The following TGFB1 variants were observed in gnomAD, a reference collection of about 807,000 sequenced individuals.
TGFB1 encodes the protein transforming growth factor beta 1.
In TGFB1, 19 loss-of-function variants were observed where a neutral mutation model predicts 43.8. That is an observed-to-expected ratio of 0.43 (90% CI 0.30 to 0.64). TGFB1 has a LOEUF of 0.64. Among genes scored for constraint, TGFB1 ranks in the 30% least tolerant of loss-of-function variants. TGFB1 has a pLI of 0.11. For missense variants in TGFB1, 445 were observed against 529.8 expected (o/e 0.84, Z 1.57); for synonymous variants, 221 against 236.3 (o/e 0.94, Z 0.60).
intron 6 of TGFB1, 101 bp from the exon 7 acceptor site, chr19:41,331,311 C>A (rs1037756021): frequency 1.3e-5 from 18 of 1,361,696 alleles, no homozygotes; most frequent in Admixed American, 2.9e-5. Flanking sequence ...GCCTCTCTCA[C>A]TTCGTCTCTC....
chr19:41,334,161 G>A (rs2037964219), intron 5 of TGFB1, among the ~76,000 whole-genome samples: 1 of 151,664 alleles, frequency 6.6e-6, no homozygotes, highest in Admixed American at 6.6e-5. Context: ...GATCACCTGA[G>A]ATCAGGAGAT....
intron 5 of TGFB1, among the ~76,000 whole-genome samples, chr19:41,340,086 C>T (rs2038037764): frequency 5.3e-5 from 8 of 152,076 alleles, no homozygotes; most frequent in Admixed American, 5.2e-4. Flanking sequence ...AGCATTCCAG[C>T]ATCTTATGAT....
chr19:41,342,929 G>A (rs200044106), intron 3 of TGFB1, among the ~76,000 whole-genome samples: 1 of 151,954 alleles, frequency 6.6e-6, no homozygotes, highest in East Asian at 1.9e-4. Context: ...TTACAGGCAT[G>A]AGCCACTGCA....
chr19:41,331,073 C>T lies in TGFB1; in HGVS notation c.1152G>A (p.Val384=), dbSNP rs780503471. ...GACCTCAGCTGCACTTGCAGGAGCG[C>T]ACGATCATGTTGGACAGCTGCTCCA... ...PKVEQLSNMI[V]RSCKCS The change falls in exon 7 of 7, where the codon GTG becomes GTA. Residue 384 remains valine (V), a synonymous_variant. Transcript: ENST00000221930. 4 of 1,578,664 alleles carry T rather than the reference C, an allele frequency of 2.5e-6. No individual in the cohort carries two copies. The African/African-American group carries it at 5.4e-5, about 21-fold the overall frequency.
intron 1 of TGFB1, 136 bp downstream of exon 1, chr19:41,352,554 T>G: frequency 1.9e-6 from 2 of 1,063,968 alleles, no homozygotes; most frequent in Non-Finnish European, 2.8e-6. Flanking sequence ...CCTCCCACCA[T>G]CACACGTTCC....
At chr19:41,345,009 T>G (rs148096740) in intron 2 of TGFB1, 145 bp from the exon 3 acceptor site, 14 of 743,386 alleles carry the variant, frequency 1.9e-5, no homozygotes, top group Non-Finnish European at 3.1e-5. Context: ...CAGCCACCTG[T>G]GTGGTCCTGT....
At chr19:41,340,316 G>C (rs2038041425) in intron 5 of TGFB1, among the ~76,000 whole-genome samples, 1 of 148,150 alleles carries the variant, frequency 6.7e-6, no homozygotes, top group African/African-American at 2.5e-5. Flanking sequence ...GAGTGCAGTG[G>C]CGCGATCTCG....
At position 41,352,844 on chromosome 19, in the gene TGFB1, C is replaced by T. The variant is rs1186986427; in HGVS notation, c.201G>A (p.Glu67=). The T allele has an allele frequency of 3.2e-6, 5 of 1,566,860 alleles. No homozygotes were observed. Among genetic ancestry groups the T allele is most frequent in the African/African-American group, 1.4e-5 (1 of 73,556 alleles). The change falls in exon 1 of 7, where the codon GAG becomes GAA. Residue 67 remains glutamate (E), a synonymous_variant. Coordinates refer to ENST00000221930, the MANE Select transcript of TGFB1 (RefSeq NM_000660.7). ...LRLASPPSQG[E]VPPGPLPEAV... is the part of the protein sequence containing the mutation. ...CCTCGGGCAGCGGGCCGGGCGGCACCTCCCCCTGGCTCGGGGGGCTGGCGA... is the reference window on the plus strand; with the variant it reads ...CCTCGGGCAGCGGGCCGGGCGGCACTTCCCCCTGGCTCGGGGGGCTGGCGA...
Position 41,331,035 on chromosome 19 carries a change from C to T in TGFB1, c.*17G>A, listed in dbSNP as rs996008305. On this transcript the variant is annotated 3_prime_UTR_variant, in exon 7 of 7. Transcript: ENST00000221930. ...TGGGGCCGGGCCTGCCGGGGCGGGG[C>T]GGGGCGGGGCGGGACCTCAGCTGCA... The T allele has an allele frequency of 4.3e-6, 3 of 692,040 alleles. No homozygotes were observed. Among genetic ancestry groups the T allele is most frequent in the African/African-American group, 6.7e-5 (1 of 14,902 alleles). The allele number at this position is 692,040 out of a possible 1,614,324, so 42.9% of individuals were successfully genotyped here.
intron 1 of TGFB1, among the ~76,000 whole-genome samples, chr19:41,350,251 C>A (rs1434793069): frequency 6.6e-6 from 1 of 151,442 alleles, no homozygotes; most frequent in Non-Finnish European, 1.5e-5. Context: ...AAGTGAAGTT[C>A]ATTCTGGGTA....
At position 41,331,201 on chromosome 19, in the gene TGFB1, G is replaced by A; in HGVS notation, c.1024C>T (p.Leu342=). ...GCGCCCGGGTTATGCTGGTTGTACAGGGCCAGGACCTGCGGGCGGCGGGCG... is the reference window on the plus strand; with the variant it reads ...GCGCCCGGGTTATGCTGGTTGTACAAGGCCAGGACCTGCGGGCGGCGGGCG... ...LDTQYSKVLA[L]YNQHNPGASA... Residue 342 remains leucine, a synonymous_variant, in exon 7 of 7, where the codon CTG becomes TTG. Transcript: ENST00000221930. 1 of 1,531,482 alleles carries A rather than the reference G, an allele frequency of 6.5e-7. No homozygotes were observed. The highest frequency in any genetic ancestry group is 8.8e-7 in the Non-Finnish European group (1 of 1,140,030). 94.9% of individuals were successfully genotyped at this position (1,531,482 alleles called of 1,614,324 possible). A position where few individuals can be genotyped will look rare whatever the true frequency, so the allele number is the denominator to read the frequency against.
chr19:41,336,436 G>A (rs1336815978), intron 5 of TGFB1, among the ~76,000 whole-genome samples: 2 of 150,434 alleles, frequency 1.3e-5, no homozygotes, highest in Admixed American at 1.3e-4. Context: ...CCAGGCTGGA[G>A]TGCAGTGGTG....
chr19:41,338,483 C>T lies in TGFB1; in HGVS notation c.860+3400G>A, dbSNP rs143870039. ...TACACTCCAGCCTGAGTGACAACAGCGAAACTCCGTCTCAAAAAAAAAAAA... is the reference window on the plus strand; with the variant it reads ...TACACTCCAGCCTGAGTGACAACAGTGAAACTCCGTCTCAAAAAAAAAAAA... On this transcript the variant is annotated intron_variant, in intron 5 of 6. Coordinates refer to ENST00000221930, the MANE Select transcript of TGFB1 (RefSeq NM_000660.7). Among the ~76,000 whole-genome samples the T allele has an allele frequency of 1.6e-4, 23 of 144,720 alleles. No homozygotes were observed. The East Asian group carries it at 3.1e-3, about 20-fold the overall frequency. 94.9% of individuals were successfully genotyped at this position (144,720 alleles called of 152,430 possible). A position where few individuals can be genotyped will look rare whatever the true frequency, so the allele number is the denominator to read the frequency against.
At chr19:41,351,744 C>G (rs1453520955) in intron 1 of TGFB1, among the ~76,000 whole-genome samples, 2 of 152,028 alleles carry the variant, frequency 1.3e-5, no homozygotes, top group African/African-American at 4.8e-5. Flanking sequence ...TCACCCCCCA[C>G]CCAGCACTTC....
At chr19:41,352,085 A>C (rs1599897517) in intron 1 of TGFB1, among the ~76,000 whole-genome samples, 2 of 145,038 alleles carry the variant, frequency 1.4e-5, no homozygotes, top group East Asian at 2.1e-4. Flanking sequence ...TATCACACGC[A>C]CCTCTGTTTC....
At chr19:41,340,288 G>A (rs553340028) in intron 5 of TGFB1, among the ~76,000 whole-genome samples, 21 of 131,958 alleles carry the variant, frequency 1.6e-4, no homozygotes, top group Admixed American at 3.3e-4. Context: ...ATGGAGTCTC[G>A]CATCATTGCC....
chr19:41,338,164 C>G (rs954757527), intron 5 of TGFB1, among the ~76,000 whole-genome samples: 1 of 151,562 alleles, frequency 6.6e-6, no homozygotes, highest in Admixed American at 6.6e-5. Flanking sequence ...TGCACTCCAG[C>G]CTGGGTGACA....
chr19:41,351,669 C>A (rs2038197129), intron 1 of TGFB1, among the ~76,000 whole-genome samples: 1 of 152,166 alleles, frequency 6.6e-6, no homozygotes, highest in African/African-American at 2.4e-5. Context: ...TCCCCCCGCG[C>A]GTGGCACCCA....
At chr19:41,337,297 C>A (rs558910759) in intron 5 of TGFB1, among the ~76,000 whole-genome samples, 1 of 152,062 alleles carries the variant, frequency 6.6e-6, no homozygotes, top group African/African-American at 2.4e-5. Flanking sequence ...CCCGCCACCA[C>A]GCCTGGCTCA....
Sources: allele counts gnomAD v4.1 joint callset (sites outside exome capture counted in the v4.1 genomes callset), GRCh38; gene constraint gnomAD v4.1.1; transcripts MANE v1.5; gene names NCBI Gene and HGNC (gene_info 2026-07-23, HGNC 2026-07-21).